Variants in CLSTN2 observed in about 807,000 individuals in gnomAD.
The protein encoded by CLSTN2 is calsyntenin-2.
Under a neutral mutation model 101.2 loss-of-function variants are expected in CLSTN2, and 48 were observed. The observed-to-expected ratio is 0.47, with a 90% CI of 0.38 to 0.60. CLSTN2 has a LOEUF of 0.60. Among genes scored for constraint, CLSTN2 ranks in the 20% least tolerant of loss-of-function variants. The pLI, the probability that CLSTN2 is intolerant of heterozygous loss-of-function variation, is 0.00. For synonymous variants in CLSTN2, 481 were observed against 463.6 expected, an observed-to-expected ratio of 1.04 and a Z score of -0.48; for missense variants, 1,160 against 1,238.2, an observed-to-expected ratio of 0.94 and a Z score of 0.95.
At position 140,175,881 on chromosome 3, in the gene CLSTN2, T is replaced by C. The variant is rs552294461; in HGVS notation, c.110-70T>C. 11 of 1,450,586 alleles carry C rather than the reference T, an allele frequency of 7.6e-6. No homozygotes were observed. The African/African-American group carries it at 1.4e-4, about 19-fold the overall frequency. The allele number at this position is 1,450,586 out of a possible 1,614,324, so 89.9% of individuals were successfully genotyped here. A position where few individuals can be genotyped will look rare whatever the true frequency, so the allele number is the denominator to read the frequency against. On this transcript the variant is annotated intron_variant, in intron 1 of 16. Transcript: ENST00000458420. ...CTATGATTGGGCAAATATACAATCT[T>C]AATAATACATTATTATGGGTTTGTT...
At chr3:139,979,491 C>T (rs969271957) in intron 1 of CLSTN2, among the ~76,000 whole-genome samples, 1 of 152,162 alleles carries the variant, frequency 6.6e-6, no homozygotes, top group Non-Finnish European at 1.5e-5. Context: ...GCCCGCACAT[C>T]CCTGCGAGAT....
intron 2 of CLSTN2, among the ~76,000 whole-genome samples, chr3:140,260,917 A>T (rs771626214): frequency 1.3e-5 from 2 of 152,092 alleles, no homozygotes; most frequent in African/African-American, 2.4e-5. Flanking sequence ...AGTTTTTCTC[A>T]TGGTAAAAAC....
At chr3:140,525,282 A>G (rs1935114066) in intron 8 of CLSTN2, among the ~76,000 whole-genome samples, 1 of 152,186 alleles carries the variant, frequency 6.6e-6, no homozygotes, top group Non-Finnish European at 1.5e-5. Flanking sequence ...ATCCCACATA[A>G]AGCAAAAGAT....
intron 16 of CLSTN2, among the ~76,000 whole-genome samples, chr3:140,565,772 G>A (rs1559906798): frequency 6.6e-6 from 1 of 152,182 alleles, no homozygotes; most frequent in Non-Finnish European, 1.5e-5. Flanking sequence ...TGATGGATAG[G>A]ATTGGCTAAA....
At chr3:140,147,771 G>A (rs576092990) in intron 1 of CLSTN2, among the ~76,000 whole-genome samples, 3 of 151,968 alleles carry the variant, frequency 2.0e-5, no homozygotes, top group African/African-American at 7.3e-5. Context: ...TTCCCTCCTC[G>A]CAACCCCTAA....
intron 1 of CLSTN2, among the ~76,000 whole-genome samples, chr3:139,981,664 T>C (rs566350798): frequency 1.9e-4 from 29 of 152,346 alleles, no homozygotes; most frequent in African/African-American, 7.0e-4. Flanking sequence ...TGTCCCTGCA[T>C]TTGCTAAATC....
Position 140,562,797 on chromosome 3 carries a change from G to T in CLSTN2, c.2213-14G>T, listed in dbSNP as rs753988811. ...TTTCTGCCTTCTGATGACAGGTGTGGTCTCTTGGCACAGGTGTGGGCTCCA... is the reference window on the plus strand; with the variant it reads ...TTTCTGCCTTCTGATGACAGGTGTGTTCTCTTGGCACAGGTGTGGGCTCCA... On this transcript the variant is annotated splice_polypyrimidine_tract_variant and intron_variant, in intron 13 of 16. Transcript: ENST00000458420. 3.7e-5 allele frequency: 60 copies of T among 1,613,018 alleles called. No homozygotes were observed. The East Asian group carries it at 1.3e-3, about 35-fold the overall frequency.
chr3:140,232,796 T>A (rs2086381670), intron 2 of CLSTN2, among the ~76,000 whole-genome samples: 1 of 152,176 alleles, frequency 6.6e-6, no homozygotes, highest in African/African-American at 2.4e-5. Context: ...TCTTCACCAT[T>A]GACATCTCAA....
At chr3:140,051,030 T>A (rs2007980125) in intron 1 of CLSTN2, among the ~76,000 whole-genome samples, 1 of 152,206 alleles carries the variant, frequency 6.6e-6, no homozygotes, top group African/African-American at 2.4e-5. Flanking sequence ...TGTCCTGGAT[T>A]GAACACAGCG....
At chr3:140,183,313 G>A (rs369329754) in intron 2 of CLSTN2, among the ~76,000 whole-genome samples, 11 of 152,180 alleles carry the variant, frequency 7.2e-5, no homozygotes, top group African/African-American at 2.7e-4. Context: ...GGAAAGGAAG[G>A]ATTTCCTGGG....
chr3:140,459,335 A>C (rs1576579526), intron 6 of CLSTN2, among the ~76,000 whole-genome samples, 186 bp from the exon 7 acceptor site: 2 of 152,352 alleles, frequency 1.3e-5, no homozygotes, highest in African/African-American at 4.8e-5. Flanking sequence ...CCTCCCCAAG[A>C]AAACCATAAA....
chr3:140,248,934 G>A (rs1250393542), intron 2 of CLSTN2, among the ~76,000 whole-genome samples: 1 of 152,186 alleles, frequency 6.6e-6, no homozygotes, highest in Non-Finnish European at 1.5e-5. Context: ...GAGAGAAGTG[G>A]ATTAAATGAT....
At chr3:140,563,468 A>G (rs1237701733) in intron 15 of CLSTN2, among the ~76,000 whole-genome samples, 1 of 152,114 alleles carries the variant, frequency 6.6e-6, no homozygotes, top group Non-Finnish European at 1.5e-5. Flanking sequence ...AACTCAAAAC[A>G]ATGTCATGTA....
chr3:140,213,882 T>C (rs951611171), intron 2 of CLSTN2, among the ~76,000 whole-genome samples: 2 of 152,116 alleles, frequency 1.3e-5, no homozygotes, highest in Non-Finnish European at 2.9e-5. Context: ...ACACCCAAGC[T>C]GACTGAAGTA....
intron 5 of CLSTN2, among the ~76,000 whole-genome samples, chr3:140,424,938 C>T (rs1026340196): frequency 1.3e-5 from 2 of 152,112 alleles, no homozygotes; most frequent in South Asian, 4.2e-4. Context: ...TGAGCCTCAA[C>T]CCCCTCAGAT....
At chr3:140,533,710 CAAA>C (rs71627883) in intron 9 of CLSTN2, among the ~76,000 whole-genome samples, 3 of 58,882 alleles carry the variant, frequency 5.1e-5, no homozygotes, top group Non-Finnish European at 8.1e-5. Context: ...GACTCCATCT[CAAA>C]AAAAAAAAAA....
At chr3:140,017,287 G>A (rs2061959655) in intron 1 of CLSTN2, among the ~76,000 whole-genome samples, 1 of 152,232 alleles carries the variant, frequency 6.6e-6, no homozygotes, top group Non-Finnish European at 1.5e-5. Context: ...GTTCCATGCA[G>A]AGGTCGTTGT....
At chr3:140,101,451 C>T (rs964446130) in intron 1 of CLSTN2, among the ~76,000 whole-genome samples, 10 of 152,190 alleles carry the variant, frequency 6.6e-5, no homozygotes, top group Non-Finnish European at 1.0e-4. Context: ...ACACTGAAGT[C>T]GCTCCCAGGT....
At chr3:140,091,442 G>C (rs1352479848) in intron 1 of CLSTN2, among the ~76,000 whole-genome samples, 1 of 152,130 alleles carries the variant, frequency 6.6e-6, no homozygotes, top group East Asian at 1.9e-4. Context: ...TGCCTTCCTT[G>C]GGGGAAGGAA....
Sources: allele counts gnomAD v4.1 joint callset (sites outside exome capture counted in the v4.1 genomes callset), GRCh38; gene constraint gnomAD v4.1.1; transcripts MANE v1.5; gene names NCBI Gene and HGNC (gene_info 2026-07-23, HGNC 2026-07-21).